ZNF503: variants seen among roughly 807,000 people sequenced by gnomAD.
ZNF503 encodes zinc finger protein 503, also known as NocA-like zinc finger 2.
In ZNF503, 15 loss-of-function variants were observed where a neutral mutation model predicts 34.4. The observed-to-expected ratio is 0.44, with a 90% CI of 0.29 to 0.67. ZNF503 has a LOEUF of 0.67. ZNF503 is among the 30% of genes least tolerant of loss of function. The probability of loss-of-function intolerance (pLI) is 0.13; values close to 1 mark genes in which losing one functional copy is unlikely to be tolerated. For missense variants in ZNF503, 1,007 were observed against 926.8 expected (o/e 1.09, Z -1.12); for synonymous variants, 580 against 456.8 (o/e 1.27, Z -3.44).
At chr10:75,334,785 G>A in the ZNF503 span, among the ~76,000 whole-genome samples, 10 of 152,314 alleles carry the variant, frequency 6.6e-5, no homozygotes, top group Admixed American at 5.9e-4. Flanking sequence ...AGTCCCAGGA[G>A]ACTGCTGAAA....
At chr10:75,376,873 G>A in the ZNF503 span, among the ~76,000 whole-genome samples, 5 of 152,106 alleles carry the variant, frequency 3.3e-5, no homozygotes, top group Non-Finnish European at 7.4e-5. Context: ...TCACTGTCAC[G>A]AGAACAGCAT....
At chr10:75,383,718 C>G in the ZNF503 span, among the ~76,000 whole-genome samples, 1 of 152,214 alleles carries the variant, frequency 6.6e-6, no homozygotes, top group African/African-American at 2.4e-5. Flanking sequence ...CATTTGCTAT[C>G]TGTTCATTGA....
the ZNF503 span, among the ~76,000 whole-genome samples, chr10:75,385,243 G>A: frequency 6.6e-6 from 1 of 152,292 alleles, no homozygotes; most frequent in South Asian, 2.1e-4. Flanking sequence ...GGTCACCGAG[G>A]TCACCCCTCT....
chr10:75,308,441 T>G, the ZNF503 span, among the ~76,000 whole-genome samples: 9 of 152,188 alleles, frequency 5.9e-5, no homozygotes, highest in South Asian at 1.9e-3. Flanking sequence ...CTTTAGCCAA[T>G]GAATTAAGGA....
At chr10:75,397,563 G>A (rs1843716079), downstream of ZNF503, among the ~76,000 whole-genome samples, 1 of 152,194 alleles carries the variant, frequency 6.6e-6, no homozygotes, top group Non-Finnish European at 1.5e-5. Flanking sequence ...CAAGCCAGCT[G>A]CCAAGAGAAA....
chr10:75,286,178 G>A, the ZNF503 span, among the ~76,000 whole-genome samples: 1 of 151,832 alleles, frequency 6.6e-6, no homozygotes, highest in African/African-American at 2.4e-5. Context: ...AGCTACTCAG[G>A]AGGCTGAGAC....
the ZNF503 span, among the ~76,000 whole-genome samples, chr10:75,304,739 A>G: frequency 6.6e-6 from 1 of 152,236 alleles, no homozygotes; most frequent in Admixed American, 6.5e-5. Flanking sequence ...CAAAAATACT[A>G]TTTTGAATTT....
At chr10:75,328,244 G>T in the ZNF503 span, among the ~76,000 whole-genome samples, 5 of 152,100 alleles carry the variant, frequency 3.3e-5, no homozygotes, top group Non-Finnish European at 2.9e-5. Flanking sequence ...TTACATGTAA[G>T]TCTTTAATTT....
At chr10:75,290,293 G>A in the ZNF503 span, among the ~76,000 whole-genome samples, 1 of 151,936 alleles carries the variant, frequency 6.6e-6, no homozygotes, top group Non-Finnish European at 1.5e-5. Context: ...ATGCTGTTAT[G>A]AATAAGTCTT....
At chr10:75,369,026 A>G in the ZNF503 span, among the ~76,000 whole-genome samples, 1 of 152,248 alleles carries the variant, frequency 6.6e-6, no homozygotes, top group Non-Finnish European at 1.5e-5. Context: ...ATACTATGCA[A>G]ACATCAATAG....
chr10:75,365,194 G>T, the ZNF503 span, among the ~76,000 whole-genome samples: 1 of 152,214 alleles, frequency 6.6e-6, no homozygotes, highest in Admixed American at 6.5e-5. Flanking sequence ...TGTCGTCCAG[G>T]CTGGAGTGCA....
the ZNF503 span, among the ~76,000 whole-genome samples, chr10:75,381,888 C>A: frequency 7.6e-6 from 1 of 132,014 alleles, no homozygotes; most frequent in African/African-American, 2.9e-5. Context: ...CTCACTGCAA[C>A]CTCTGCTTCC....
the ZNF503 span, among the ~76,000 whole-genome samples, chr10:75,381,699 T>A: frequency 2.6e-5 from 4 of 151,392 alleles, no homozygotes; most frequent in South Asian, 8.4e-4. Flanking sequence ...ATGCCAATCC[T>A]GGGCTGCCTC....
the ZNF503 span, among the ~76,000 whole-genome samples, chr10:75,331,867 AT>A: frequency 6.6e-6 from 1 of 152,168 alleles, no homozygotes; most frequent in Non-Finnish European, 1.5e-5. Flanking sequence ...GTGCATGTAT[AT>A]TAACAATTGT....
At chr10:75,300,704 C>CTTTTTTTTT in the ZNF503 span, among the ~76,000 whole-genome samples, 58 of 108,726 alleles carry the variant, frequency 5.3e-4, no homozygotes, top group South Asian at 6.3e-4. Context: ...TTCTTTCTTT[C>CTTTTTTTTT]TTTTTTTTTT....
At chr10:75,324,535 C>G in the ZNF503 span, among the ~76,000 whole-genome samples, 1 of 152,132 alleles carries the variant, frequency 6.6e-6, no homozygotes, top group Non-Finnish European at 1.5e-5. Context: ...CTTTGTTGCC[C>G]AGGCTGGTCT....
the ZNF503 span, among the ~76,000 whole-genome samples, chr10:75,385,406 T>C: frequency 2.0e-5 from 3 of 152,244 alleles, no homozygotes; most frequent in African/African-American, 7.2e-5. Context: ...TCGGTGAGGC[T>C]TAGTGGGGAG....
rs1589132658 is a variant in ZNF503, at chr10:75,398,214, A to G, written c.*535T>C. On this transcript the variant is annotated 3_prime_UTR_variant, in exon 2 of 2. Coordinates refer to ENST00000372524, the MANE Select transcript of ZNF503 (RefSeq NM_032772.6). ...AATCAGACATTAAATAACGTACAAT[A>G]CAATCATAGCAATTTTAAAGTAACA... 6.5e-6 allele frequency: 1 copy of G among 152,756 alleles called. No homozygotes were observed. The highest frequency in any genetic ancestry group is 6.5e-5 in the Admixed American group (1 of 15,280). 9.5% of individuals were successfully genotyped at this position (152,756 alleles called of 1,614,324 possible). A position where few individuals can be genotyped will look rare whatever the true frequency, so the allele number is the denominator to read the frequency against.
the ZNF503 span, among the ~76,000 whole-genome samples, chr10:75,340,480 T>C: frequency 6.6e-6 from 1 of 152,214 alleles, no homozygotes; most frequent in African/African-American, 2.4e-5. Flanking sequence ...GATAGTTTTG[T>C]TCACAATCGT....
Sources: allele counts gnomAD v4.1 joint callset (sites outside exome capture counted in the v4.1 genomes callset), GRCh38; gene constraint gnomAD v4.1.1; transcripts MANE v1.5; gene names NCBI Gene and HGNC (gene_info 2026-07-23, HGNC 2026-07-21).